Variants in ZNF765 observed in about 807,000 individuals in gnomAD.
ZNF765 encodes zinc finger protein 765.
In ZNF765, 37 loss-of-function variants were observed where a neutral mutation model predicts 44.7. The ratio of observed to expected loss-of-function variants is 0.83; its 90% CI spans 0.64 to 1.09. The LOEUF (loss-of-function observed/expected upper bound fraction) is 1.09, where lower values mean the gene tolerates loss of function less well. Ranked by LOEUF, ZNF765 falls within the 50% of genes least tolerant of loss-of-function variation. The probability of loss-of-function intolerance (pLI) is 0.00; values close to 1 mark genes in which losing one functional copy is unlikely to be tolerated. For missense variants in ZNF765, 594 were observed against 626.1 expected, an observed-to-expected ratio of 0.95 and a Z score of 0.55; for synonymous variants, 201 against 213.7, an observed-to-expected ratio of 0.94 and a Z score of 0.52.
chr19:53,395,226 G>A (rs2085655005), intron 1 of ZNF765, 33 bp downstream of exon 1: 1 of 152,398 alleles, frequency 6.6e-6, no homozygotes, highest in Non-Finnish European at 1.5e-5. Context: ...TTAAGTCTGT[G>A]CTTCCCAGGT....
chr19:53,410,934 C>G lies in ZNF765; in HGVS notation c.*1807C>G, dbSNP rs1600061039. 3 of 422,214 alleles carry G rather than the reference C, an allele frequency of 7.1e-6. No homozygotes were observed. The East Asian group carries it at 2.1e-4, about 29-fold the overall frequency. The allele number at this position is 422,214 out of a possible 1,614,324, so 26.2% of individuals were successfully genotyped here. On this transcript the variant is annotated 3_prime_UTR_variant, in exon 4 of 4. Transcript: ENST00000396408. The stretch of plus-strand genomic sequence containing the variant: ...TGGACAGAAATCTTATAAATGTCAT[C>G]AGTGTGCCAAAGTCTTCAGTCTGAG...
downstream of ZNF765, among the ~76,000 whole-genome samples, chr19:53,413,499 G>T (rs1425567867): frequency 6.6e-6 from 1 of 151,852 alleles, no homozygotes. Flanking sequence ...GAACATGTTG[G>T]TTGGCTGGGT....
chr19:53,409,352 T>C lies in ZNF765; in HGVS notation c.*225T>C, dbSNP rs371589510. 2.4e-6 allele frequency: 2 copies of C among 834,792 alleles called. No individual in the cohort carries two copies. Among genetic ancestry groups the C allele is most frequent in the South Asian group, 1.4e-5 (1 of 72,940 alleles). The allele number at this position is 834,792 out of a possible 1,614,324, so 51.7% of individuals were successfully genotyped here. On this transcript the variant is annotated 3_prime_UTR_variant, in exon 4 of 4. Coordinates refer to ENST00000396408, the MANE Select transcript of ZNF765 (RefSeq NM_001040185.3). ...CTTTTGTGTACCATCATAAACTTCA[T>C]AGTGGAGAGACCTTACAAATGTGAA...
intron 1 of ZNF765, among the ~76,000 whole-genome samples, chr19:53,396,128 G>A (rs2085666645): frequency 6.6e-6 from 1 of 152,152 alleles, no homozygotes; most frequent in African/African-American, 2.4e-5. Context: ...GAGTGAGGGA[G>A]AGGAGGAGGG....
At chr19:53,417,036 C>G (rs2085879450) in intron 3 of ZNF765, among the ~76,000 whole-genome samples, 1 of 151,976 alleles carries the variant, frequency 6.6e-6, no homozygotes, top group Non-Finnish European at 1.5e-5. Context: ...CAGGCCGGTC[C>G]CTAACTCTTG....
intron 2 of ZNF765, among the ~76,000 whole-genome samples, chr19:53,401,359 C>G (rs1170095758): frequency 8.6e-5 from 13 of 151,126 alleles, no homozygotes; most frequent in Admixed American, 8.6e-4. Context: ...ATCAGGAGAT[C>G]AAGACAATCC....
chr19:53,396,798 T>A (rs1210396319), intron 1 of ZNF765, among the ~76,000 whole-genome samples: 1 of 152,244 alleles, frequency 6.6e-6, no homozygotes, highest in Non-Finnish European at 1.5e-5. Context: ...CTGCCTCAGT[T>A]TTCTCCCTTT....
rs1433083542 is a variant in ZNF765 at position 53,410,466 on chromosome 19, T to G, written c.*1339T>G. ...AAGGCTTTCAGGCATAATTCGCACC[T>G]GGCACAACATCCTAGAATTCACATT... On this transcript the variant is annotated 3_prime_UTR_variant, in exon 4 of 4. Coordinates refer to ENST00000396408, the MANE Select transcript of ZNF765 (RefSeq NM_001040185.3). 2.7e-6 allele frequency: 1 copy of G among 370,424 alleles called. No homozygotes were observed. The highest frequency in any genetic ancestry group is 5.4e-6 in the Non-Finnish European group (1 of 183,754). 22.9% of individuals were successfully genotyped at this position (370,424 alleles called of 1,614,324 possible).
intron 1 of ZNF765, among the ~76,000 whole-genome samples, chr19:53,396,250 G>T (rs1370920451): frequency 6.6e-6 from 1 of 151,930 alleles, no homozygotes; most frequent in Non-Finnish European, 1.5e-5. Flanking sequence ...GTGGGGATGA[G>T]GGTATAACAG....
chr19:53,400,763 C>CATATATAT (rs35520888), intron 2 of ZNF765, among the ~76,000 whole-genome samples: 58 of 116,826 alleles, frequency 5.0e-4, no homozygotes, highest in African/African-American at 1.4e-3. Flanking sequence ...TATTTGTTGA[C>CATATATAT]ATATATATAT....
Position 53,409,735 on chromosome 19 carries a change from C to T in ZNF765, c.*608C>T, listed in dbSNP as rs1034440083. The T allele has an allele frequency of 8.6e-6, 8 of 927,918 alleles. No homozygotes were observed. In the African/African-American group the frequency reaches 1.3e-4, roughly 15 times the overall value. The allele number at this position is 927,918 out of a possible 1,614,324, so 57.5% of individuals were successfully genotyped here. On this transcript the variant is annotated 3_prime_UTR_variant, in exon 4 of 4. Transcript: ENST00000396408. ...AGTGTGGCAAGACCTTTAGTCAGAA[C>T]TCATACCTTACATGCCATCATAGAC...
At chr19:53,403,454 G>A (rs2085747220) in intron 3 of ZNF765, among the ~76,000 whole-genome samples, 1 of 151,062 alleles carries the variant, frequency 6.6e-6, no homozygotes, top group African/African-American at 2.5e-5. Flanking sequence ...ATTGACTTTT[G>A]TTTGTTTGTT....
At chr19:53,404,901 C>A (rs2085760501) in intron 3 of ZNF765, among the ~76,000 whole-genome samples, 1 of 152,228 alleles carries the variant, frequency 6.6e-6, no homozygotes, top group Admixed American at 6.5e-5. Context: ...CCTGTTCCTG[C>A]CTCAGTCATT....
chr19:53,400,122 A>AT (rs1350460851), intron 2 of ZNF765, among the ~76,000 whole-genome samples: 1 of 151,886 alleles, frequency 6.6e-6, no homozygotes, highest in Non-Finnish European at 1.5e-5. Flanking sequence ...CCCAGTAGTT[A>AT]TTTTTTCTAG....
chr19:53,395,720 A>C (rs529914351), intron 1 of ZNF765, among the ~76,000 whole-genome samples: 3 of 152,082 alleles, frequency 2.0e-5, no homozygotes, highest in Admixed American at 1.3e-4. Flanking sequence ...CCTGAGCCCG[A>C]GTTAGGGAGG....
chr19:53,425,293 G>C (rs1454403988), exon 4 of ZNF765: 3 of 143,606 alleles, frequency 2.1e-5, no homozygotes, highest in Non-Finnish European at 4.5e-5. Flanking sequence ...GAAGTTTTTG[G>C]GAGGAAGACA....
chr19:53,404,857 T>C (rs981943686), intron 3 of ZNF765, among the ~76,000 whole-genome samples: 1 of 152,228 alleles, frequency 6.6e-6, no homozygotes, highest in African/African-American at 2.4e-5. Context: ...TAATCAGATT[T>C]GTCAGCCTTC....
intron 3 of ZNF765, among the ~76,000 whole-genome samples, chr19:53,420,912 G>T (rs1255550762): frequency 6.6e-6 from 1 of 152,138 alleles, no homozygotes; most frequent in Non-Finnish European, 1.5e-5. Context: ...GGCCTCATGG[G>T]AAGGGAAAGA....
In ZNF765 at chr19:53,409,376, A is replaced by C; in HGVS notation, c.*249A>C. On this transcript the variant is annotated 3_prime_UTR_variant, in exon 4 of 4. Coordinates refer to ENST00000396408, the MANE Select transcript of ZNF765 (RefSeq NM_001040185.3). ...ATAGTGGAGAGACCTTACAAATGTG[A>C]AGAATGTGAAGAAGCTTTCTGTTTC... The C allele has an allele frequency of 1.2e-6, 1 of 832,812 alleles. No individual in the cohort carries two copies. 51.6% of individuals were successfully genotyped at this position (832,812 alleles called of 1,614,324 possible). A position where few individuals can be genotyped will look rare whatever the true frequency, so the allele number is the denominator to read the frequency against.
Sources: gnomAD v4.1 joint callset for allele counts (sites outside exome capture counted in the v4.1 genomes callset) on GRCh38, gnomAD v4.1.1 for gene constraint, MANE v1.5 for transcripts, NCBI Gene and HGNC (gene_info 2026-07-23, HGNC 2026-07-21) for gene names.